Variants in PNKD observed in about 807,000 individuals in gnomAD.
PNKD encodes the protein probable thioesterase PNKD.
Under a neutral mutation model 45.3 loss-of-function variants are expected in PNKD, and 36 were observed. That is an observed-to-expected ratio of 0.80 (90% confidence interval 0.61 to 1.05). The LOEUF (loss-of-function observed/expected upper bound fraction) is 1.05. PNKD is among the 50% of genes least tolerant of loss of function. The probability of loss-of-function intolerance (pLI) is 0.00; values close to 1 mark genes in which losing one functional copy is unlikely to be tolerated. For missense variants in PNKD, 511 were observed against 506.6 expected, an observed-to-expected ratio of 1.01 and a Z score of -0.08; for synonymous variants, 197 against 210.1, an observed-to-expected ratio of 0.94 and a Z score of 0.54.
At chr2:218,282,171 G>T (rs776823759) in intron 2 of PNKD, 15 of 1,438,064 alleles carry the variant, frequency 1.0e-5, no homozygotes, top group South Asian at 3.0e-5. Flanking sequence ...GGGAACCCCA[G>T]CTGCTGGGAC....
intron 2 of PNKD, among the ~76,000 whole-genome samples, chr2:218,324,997 C>CTTTTTTTTTTTTTTTTTTTTTTT (rs1167758595): frequency 1.6e-5 from 1 of 62,660 alleles, no homozygotes; most frequent in African/African-American, 6.7e-5. Flanking sequence ...AAATAATTTT[C>CTTTTTTTTTTTTTTTTTTTTTTT]TTTTTTTTTT....
At chr2:218,343,398 C>A in intron 7 of PNKD, 102 bp from the exon 8 acceptor site, 1 of 930,584 alleles carries the variant, frequency 1.1e-6, no homozygotes, top group Non-Finnish European at 1.7e-6. Context: ...GGGCTGACGG[C>A]CAGCCAGAGC....
intron 2 of PNKD, among the ~76,000 whole-genome samples, chr2:218,315,722 G>A (rs1693792359): frequency 6.6e-6 from 1 of 152,094 alleles, no homozygotes; most frequent in South Asian, 2.1e-4. Context: ...CTTTAATTCG[G>A]GTAGAATTTA....
At chr2:218,304,942 G>A (rs963248214) in intron 2 of PNKD, among the ~76,000 whole-genome samples, 2 of 152,018 alleles carry the variant, frequency 1.3e-5, no homozygotes, top group Non-Finnish European at 1.5e-5. Context: ...GCGTGGTGGC[G>A]GGCACCTGTA....
chr2:218,275,586 G>A (rs1022380029), intron 2 of PNKD: 17 of 1,613,872 alleles, frequency 1.1e-5, no homozygotes, highest in South Asian at 5.5e-5. Context: ...TGTGCTTCCG[G>A]TTCCCCAGGA....
intron 2 of PNKD, among the ~76,000 whole-genome samples, chr2:218,295,507 G>A (rs1314202559): frequency 1.3e-5 from 2 of 152,178 alleles, no homozygotes; most frequent in African/African-American, 4.8e-5. Flanking sequence ...TGACACCTGA[G>A]TAGAGTGTTA....
At chr2:218,342,382 A>G (rs1694705083) in intron 7 of PNKD, among the ~76,000 whole-genome samples, 1 of 152,072 alleles carries the variant, frequency 6.6e-6, no homozygotes. Context: ...ACTGGGCAAA[A>G]TAGCAAGACT....
chr2:218,344,397 T>C (rs1172332855), intron 8 of PNKD, 58 bp from the exon 9 acceptor site: 1 of 1,286,960 alleles, frequency 7.8e-7, no homozygotes, highest in Non-Finnish European at 1.1e-6. Flanking sequence ...GGAAGACTGT[T>C]CTGACTGTAC....
intron 2 of PNKD, among the ~76,000 whole-genome samples, chr2:218,324,441 G>A (rs575266898): frequency 1.3e-5 from 2 of 152,344 alleles, no homozygotes; most frequent in Non-Finnish European, 2.9e-5. Context: ...TCAGGCGCAG[G>A]ATTCCACTCA....
At chr2:218,278,460 G>T in intron 2 of PNKD, 2 of 1,552,132 alleles carry the variant, frequency 1.3e-6, no homozygotes, top group Non-Finnish European at 1.8e-6. Flanking sequence ...AAAATACTCG[G>T]CCCCCATCCC....
At position 218,341,896 on chromosome 2, in the gene PNKD, C is replaced by T. The variant is rs1447913689; in HGVS notation, c.618-85C>T. 7 of 1,160,838 alleles carry T rather than the reference C, an allele frequency of 6.0e-6. No homozygotes were observed. The Admixed American group carries it at 7.4e-5, about 12-fold the overall frequency. 71.9% of individuals were successfully genotyped at this position (1,160,838 alleles called of 1,614,324 possible). ...TGGAAGCCCACTCTCTTGTGAATCA[C>T]CCAGCCCCTTGGGCCTGGGATGGGG... On this transcript the variant is annotated intron_variant, in intron 6 of 9. Transcript: ENST00000273077.
chr2:218,322,560 C>A (rs961898087), intron 2 of PNKD, among the ~76,000 whole-genome samples: 1 of 152,216 alleles, frequency 6.6e-6, no homozygotes, highest in African/African-American at 2.4e-5. Context: ...TCCTTCAGGG[C>A]AGGACTTATG....
In PNKD at chr2:218,326,591, G is replaced by A. The variant is rs1574704618; in HGVS notation, c.237-13192G>A. On this transcript the variant is annotated intron_variant, in intron 2 of 9. Coordinates refer to ENST00000273077, the MANE Select transcript of PNKD (RefSeq NM_015488.5). This position sits in a 1 kb window ranked among gnomAD's most constrained non-coding sequence, Gnocchi z 4.1. The stretch of plus-strand genomic sequence containing the variant: ...TGAAACCGCATCTAAAATACACAGG[G>A]CCTGGCTCAAAAAGAGTGTTCAGGA... Among the ~76,000 whole-genome samples, 1 of 152,106 alleles carries A rather than the reference G, an allele frequency of 6.6e-6. No individual in the cohort carries two copies. The highest frequency in any genetic ancestry group is 1.9e-4 in the East Asian group (1 of 5,188).
intron 2 of PNKD, chr2:218,281,140 G>GTT (rs368774492): frequency 8.8e-6 from 1 of 113,696 alleles, no homozygotes; most frequent in South Asian, 2.5e-4. Context: ...TTTTTTTTTT[G>GTT]GTTTTTTTTT....
intron 2 of PNKD, among the ~76,000 whole-genome samples, chr2:218,321,967 C>T (rs1398913797): frequency 7.9e-6 from 1 of 126,874 alleles, no homozygotes; most frequent in East Asian, 2.4e-4. Flanking sequence ...CGGAGTCTTG[C>T]TCTAGAGTGC....
chr2:218,317,369 T>C (rs1484852825), intron 2 of PNKD, among the ~76,000 whole-genome samples: 2 of 152,182 alleles, frequency 1.3e-5, no homozygotes, highest in East Asian at 3.8e-4. Context: ...TGTGCTATGA[T>C]GTTGAATGAG....
intron 2 of PNKD, among the ~76,000 whole-genome samples, chr2:218,296,318 GA>G (rs1178930287): frequency 1.3e-5 from 2 of 152,234 alleles, no homozygotes; most frequent in Non-Finnish European, 2.9e-5. Flanking sequence ...ATGGCTGCAG[GA>G]AGAGGGGTGG....
chr2:218,291,549 C>T (rs115828714), intron 2 of PNKD, among the ~76,000 whole-genome samples: 46 of 152,200 alleles, frequency 3.0e-4, no homozygotes, highest in Non-Finnish European at 5.7e-4. Flanking sequence ...CCAGGGTGCT[C>T]AGGTAGAACC....
At chr2:218,308,820 G>A (rs1402675725) in intron 2 of PNKD, among the ~76,000 whole-genome samples, 1 of 148,184 alleles carries the variant, frequency 6.7e-6, no homozygotes, top group Admixed American at 6.8e-5. Flanking sequence ...CCTGACCTGA[G>A]GGGATCTGCC....
Sources: gnomAD v4.1 joint callset for allele counts (sites outside exome capture counted in the v4.1 genomes callset) on GRCh38, gnomAD v4.1.1 for gene constraint, Gnocchi (gnomAD v3.1) non-coding constraint, MANE v1.5 for transcripts, NCBI Gene and HGNC (gene_info 2026-07-23, HGNC 2026-07-21) for gene names.